C4orf17: variants seen among roughly 807,000 people sequenced by gnomAD.
C4orf17 encodes the protein chromosome 4 open reading frame 17, also known as uncharacterized protein C4orf17.
In C4orf17, 25 loss-of-function variants were observed where a neutral mutation model predicts 32.0. The ratio of observed to expected loss-of-function variants is 0.78; its 90% CI spans 0.57 to 1.09. The LOEUF is 1.09. Ranked by LOEUF, C4orf17 falls within the 50% of genes least tolerant of loss-of-function variation. The pLI is 0.00. For missense variants in C4orf17, 420 were observed against 420.0 expected, an observed-to-expected ratio of 1.00 and a Z score of 0.00; for synonymous variants, 149 against 145.8, an observed-to-expected ratio of 1.02 and a Z score of -0.16.
intron 7 of C4orf17, among the ~76,000 whole-genome samples, chr4:99,539,594 A>T (rs1430103170): frequency 3.9e-5 from 6 of 152,214 alleles, no homozygotes; most frequent in Admixed American, 2.0e-4. Flanking sequence ...TGTCTTTCTT[A>T]TCTGGTAACC....
At chr4:99,523,437 ATAGAG>A (rs1299045915) in intron 3 of C4orf17, among the ~76,000 whole-genome samples, 2 of 152,222 alleles carry the variant, frequency 1.3e-5, no homozygotes, top group Non-Finnish European at 2.9e-5. Context: ...GTGGTCAATT[ATAGAG>A]TACTCACTAT....
Position 99,540,461 on chromosome 4 carries a change from G to T in C4orf17, c.880+6G>T. ...AAACAAGGAAGTACCAAAAGGTTAA[G>T]TACAGTTTTTGGTAACTATTGAGTT... On this transcript the variant is annotated splice_donor_region_variant and intron_variant, in intron 8 of 8. Coordinates refer to ENST00000326581, the MANE Select transcript of C4orf17 (RefSeq NM_032149.3). 6.2e-7 allele frequency: 1 copy of T among 1,603,236 alleles called. No homozygotes were observed. Among genetic ancestry groups the T allele is most frequent in the South Asian group, 1.1e-5 (1 of 90,680 alleles).
chr4:99,534,906 C>T (rs1179390623), intron 5 of C4orf17, among the ~76,000 whole-genome samples: 1 of 152,128 alleles, frequency 6.6e-6, no homozygotes, highest in Non-Finnish European at 1.5e-5. Flanking sequence ...ATATTTAGTG[C>T]TTCCTTCAGG....
rs1723085778 is a variant in C4orf17 at position 99,511,082 on chromosome 4, A to G, written c.-284A>G. 1 of 152,144 alleles carries G rather than the reference A, an allele frequency of 6.6e-6. No individual in the cohort carries two copies. The allele number at this position is 152,144 out of a possible 1,614,324, so 9.4% of individuals were successfully genotyped here. ...TTGGAGTAAGAGTGTGAGAAACTGG[A>G]TGAAGACAGCTGTATTCTTTTGGAA... On this transcript the variant is annotated 5_prime_UTR_variant, in exon 1 of 9. It removes an upstream start codon present in the reference 5' UTR. Coordinates refer to ENST00000326581, the MANE Select transcript of C4orf17 (RefSeq NM_032149.3).
At chr4:99,515,148 CG>C (rs1230450871) in intron 2 of C4orf17, among the ~76,000 whole-genome samples, 1 of 152,106 alleles carries the variant, frequency 6.6e-6, no homozygotes, top group Non-Finnish European at 1.5e-5. Flanking sequence ...CTGGGTTCAG[CG>C]TACACTGCTT....
chr4:99,531,629 C>T (rs1001344363), intron 5 of C4orf17, among the ~76,000 whole-genome samples: 8 of 152,088 alleles, frequency 5.3e-5, no homozygotes, highest in African/African-American at 1.9e-4. Context: ...ATCTTGTCTG[C>T]CTTGTTCACA....
intron 4 of C4orf17, among the ~76,000 whole-genome samples, chr4:99,529,177 G>T (rs1384353883): frequency 1.3e-5 from 2 of 152,172 alleles, no homozygotes; most frequent in African/African-American, 4.8e-5. Context: ...AGTCACTTCT[G>T]AAGGGTAGAA....
At chr4:99,529,623 G>A (rs1723444803) in intron 4 of C4orf17, among the ~76,000 whole-genome samples, 192 bp from the exon 5 acceptor site, 1 of 152,082 alleles carries the variant, frequency 6.6e-6, no homozygotes, top group South Asian at 2.1e-4. Flanking sequence ...TTCATCAAAA[G>A]TTAATAAGAT....
chr4:99,517,081 A>C (rs1334835572), intron 2 of C4orf17, among the ~76,000 whole-genome samples: 1 of 152,090 alleles, frequency 6.6e-6, no homozygotes, highest in Non-Finnish European at 1.5e-5. Flanking sequence ...ACAATTCCAG[A>C]CTCAACCTAG....
chr4:99,515,599 A>G (rs1723166896), intron 2 of C4orf17, among the ~76,000 whole-genome samples: 1 of 152,016 alleles, frequency 6.6e-6, no homozygotes, highest in South Asian at 2.1e-4. Context: ...AATGGGTACT[A>G]GGCTTACCAC....
intron 4 of C4orf17, among the ~76,000 whole-genome samples, chr4:99,529,079 A>G (rs1242526294): frequency 6.6e-6 from 1 of 152,202 alleles, no homozygotes; most frequent in African/African-American, 2.4e-5. Context: ...CTAAACATAA[A>G]GTTAAATATT....
intron 5 of C4orf17, among the ~76,000 whole-genome samples, chr4:99,532,167 G>A (rs1042521285): frequency 6.6e-5 from 10 of 152,058 alleles, no homozygotes; most frequent in Non-Finnish European, 1.3e-4. Flanking sequence ...AAATAGAATT[G>A]CCATTCAAAC....
At chr4:99,531,250 T>C (rs2110171662) in intron 5 of C4orf17, among the ~76,000 whole-genome samples, 1 of 152,236 alleles carries the variant, frequency 6.6e-6, no homozygotes, top group Middle Eastern at 3.4e-3. Context: ...TTGTCTGCCT[T>C]TGCTACTGCT....
chr4:99,524,591 G>A lies in C4orf17; in HGVS notation c.402+6G>A, dbSNP rs747285001. ...ATCCCTTAGTAATTAAAAAGGTAAG[G>A]AACAGCTATTTACTGCTATCTATTT... On this transcript the variant is annotated splice_donor_region_variant and intron_variant, in intron 4 of 8. Coordinates refer to ENST00000326581, the MANE Select transcript of C4orf17 (RefSeq NM_032149.3). 4.0e-5 allele frequency: 63 copies of A among 1,567,328 alleles called. No homozygotes were observed. The Middle Eastern group carries it at 8.4e-4, about 21-fold the overall frequency.
chr4:99,513,191 G>A lies in C4orf17; in HGVS notation c.110G>A (p.Arg37Lys). Reference protein sequence around the residue: ...FLVRHTPHPRRVCHIKGLNNI... With the variant: ...FLVRHTPHPRKVCHIKGLNNI... ...GTCAGGCACACCCCTCATCCCAGAA[G>A]AGTCTGCCACATCAAAGGTAAGGTG... is the stretch of plus-strand genomic sequence containing the variant. Residue 37 changes from arginine to lysine, a missense_variant, in exon 2 of 9, where the codon AGA becomes AAA. Coordinates refer to ENST00000326581, the MANE Select transcript of C4orf17 (RefSeq NM_032149.3). 2 of 1,613,890 alleles carry A rather than the reference G, an allele frequency of 1.2e-6. No homozygotes were observed. The highest frequency in any genetic ancestry group is 8.5e-7 in the Non-Finnish European group (1 of 1,179,834).
chr4:99,535,674 C>CA (rs1723549275), intron 5 of C4orf17, among the ~76,000 whole-genome samples: 1 of 152,132 alleles, frequency 6.6e-6, no homozygotes, highest in African/African-American at 2.4e-5. Context: ...CATTAGGTTA[C>CA]AACATGCTCC....
chr4:99,535,283 G>A (rs1368405992), intron 5 of C4orf17, among the ~76,000 whole-genome samples: 1 of 152,084 alleles, frequency 6.6e-6, no homozygotes, highest in Non-Finnish European at 1.5e-5. Flanking sequence ...ATGTTGGCCT[G>A]TCTTGGTAGT....
chr4:99,513,217 A>G lies in C4orf17; in HGVS notation c.127+9A>G, dbSNP rs1307468477. 2 of 1,613,572 alleles carry G rather than the reference A, an allele frequency of 1.2e-6. No individual in the cohort carries two copies. The highest frequency in any genetic ancestry group is 2.7e-5 in the African/African-American group (2 of 74,892). On this transcript the variant is annotated intron_variant, in intron 2 of 8. Transcript: ENST00000326581. ...AGTCTGCCACATCAAAGGTAAGGTG[A>G]CTTAAGGTCCTAGTATGTGTCTCTA...
At position 99,530,036 on chromosome 4, in the gene C4orf17, A is replaced by T. The variant is rs552932796; in HGVS notation, c.546+78A>T. On this transcript the variant is annotated intron_variant, in intron 5 of 8. Transcript: ENST00000326581. Reference sequence around the variant, plus strand: ...AAAAATTTATACCACTAGCATCCTTAAAACTCTTAAATGATTCCTTACTGA... The same window carrying T: ...AAAAATTTATACCACTAGCATCCTTTAAACTCTTAAATGATTCCTTACTGA... 4.7e-4 allele frequency: 543 copies of T among 1,153,934 alleles called. 2 individuals are homozygous for T. Among genetic ancestry groups the T allele is most frequent in the Middle Eastern group, 2.5e-3 (12 of 4,844 alleles). The allele number at this position is 1,153,934 out of a possible 1,614,324, so 71.5% of individuals were successfully genotyped here.
Sources: gnomAD v4.1 joint callset for allele counts (sites outside exome capture counted in the v4.1 genomes callset) on GRCh38, gnomAD v4.1.1 for gene constraint, MANE v1.5 for transcripts, NCBI Gene and HGNC (gene_info 2026-07-23, HGNC 2026-07-21) for gene names.